ZNF276: variants seen among roughly 807,000 people sequenced by gnomAD.
ZNF276 encodes zinc finger protein 276, also known as centromere protein Z.
ZNF276 carries 59 observed loss-of-function variants against 63.9 expected under a neutral mutation model. The observed-to-expected ratio is 0.92, with a 90% CI of 0.75 to 1.15. The LOEUF is 1.15. ZNF276 is among the 50% of genes most tolerant of loss of function. The probability of loss-of-function intolerance (pLI) is 0.00; values close to 1 mark genes in which losing one functional copy is unlikely to be tolerated. For synonymous variants in ZNF276, 496 were observed against 348.4 expected (o/e 1.42, Z -4.72); for missense variants, 1,084 against 843.8 (o/e 1.28, Z -3.53).
chr16:89,723,831 AG>A, intron 4 of ZNF276, 122 bp downstream of exon 4: 1 of 1,125,534 alleles, frequency 8.9e-7, no homozygotes. Context: ...TGTGAGAAGG[AG>A]CAGAGCTTGG....
At chr16:89,737,287 C>T (rs189864445) in intron 9 of ZNF276, among the ~76,000 whole-genome samples, 8 of 152,152 alleles carry the variant, frequency 5.3e-5, no homozygotes, top group Non-Finnish European at 7.4e-5. Context: ...TTTGGGAGAC[C>T]GAGGCAGGCA....
At chr16:89,733,843 C>G (rs1044888332) in intron 8 of ZNF276, 78 bp from the exon 9 acceptor site, 1 of 1,379,884 alleles carries the variant, frequency 7.2e-7, no homozygotes, top group Admixed American at 1.7e-5. Context: ...CCAGGGGCCT[C>G]AGCTGTCACC....
chr16:89,731,305 G>A (rs2061642597), intron 6 of ZNF276, among the ~76,000 whole-genome samples: 1 of 152,266 alleles, frequency 6.6e-6, no homozygotes, highest in African/African-American at 2.4e-5. Flanking sequence ...CCAGACTGGA[G>A]TGCAGTGGCA....
At position 89,738,201 on chromosome 16, in the gene ZNF276, C is replaced by G; in HGVS notation, c.1800C>G (p.Pro600=). The part of the protein sequence containing the change: ...EAEPPPGPPS[P]SVTTEGQAVK... ...AACCACCACCTGGGCCACCGAGCCC[C>G]TCTGTGACCACAGAGGGCCAGGCGG... The change falls in exon 11 of 11, where the codon CCC becomes CCG. Residue 600 remains proline, a synonymous_variant. Coordinates refer to ENST00000443381, the MANE Select transcript of ZNF276 (RefSeq NM_001113525.2). The G allele has an allele frequency of 6.2e-7, 1 of 1,611,448 alleles. No individual in the cohort carries two copies. The highest frequency in any genetic ancestry group is 1.1e-5 in the South Asian group (1 of 90,838).
chr16:89,728,048 A>C (rs974464959), intron 5 of ZNF276, among the ~76,000 whole-genome samples: 13 of 152,194 alleles, frequency 8.5e-5, no homozygotes, highest in Non-Finnish European at 1.8e-4. Flanking sequence ...CACCTCATCC[A>C]AATGAGGACA....
chr16:89,723,232 A>G, intron 3 of ZNF276, 28 bp from the exon 4 acceptor site: 4 of 1,613,240 alleles, frequency 2.5e-6, no homozygotes, highest in Non-Finnish European at 1.7e-6. Flanking sequence ...CCAGCCGTGG[A>G]TCTGACATCT....
At chr16:89,737,465 G>T in intron 9 of ZNF276, 1 of 310,856 alleles carries the variant, frequency 3.2e-6, no homozygotes, top group African/African-American at 2.1e-5. Flanking sequence ...AGGTTGCAGT[G>T]AGCTGAGATC....
At chr16:89,720,626 G>A (rs1437818168), upstream of ZNF276, 1 of 1,226,032 alleles carries the variant, frequency 8.2e-7, no homozygotes, top group Non-Finnish European at 1.0e-6. Context: ...CCTCGCCCGG[G>A]AACCGCGGCC....
upstream of ZNF276, chr16:89,720,916 AG>A: frequency 7.9e-7 from 1 of 1,266,490 alleles, no homozygotes; most frequent in Non-Finnish European, 1.0e-6. Flanking sequence ...GGGCGACCGG[AG>A]GCCCGGAACG....
At position 89,739,819 on chromosome 16, in the gene ZNF276, C is replaced by A; in HGVS notation, c.*1573C>A. On this transcript the variant is annotated 3_prime_UTR_variant, in exon 11 of 11. Coordinates refer to ENST00000443381, the MANE Select transcript of ZNF276 (RefSeq NM_001113525.2). ...ATTGGTCCTGGGGTTGACCAGTGAG[C>A]CAGTAAATTATCTTATTGCTTTAAA... 6.8e-7 allele frequency: 1 copy of A among 1,467,922 alleles called. No homozygotes were observed. The highest frequency in any genetic ancestry group is 9.0e-7 in the Non-Finnish European group (1 of 1,113,092). 90.9% of individuals were successfully genotyped at this position (1,467,922 alleles called of 1,614,324 possible).
Position 89,732,918 on chromosome 16 carries a change from AC to A in ZNF276, c.1170-380del, listed in dbSNP as rs541187802. On this transcript the variant is annotated intron_variant, in intron 6 of 10. Coordinates refer to ENST00000443381, the MANE Select transcript of ZNF276 (RefSeq NM_001113525.2). ...TGCGCCCTCGCCCTCTGCTGTGTTCACCCCGACCCTGCTGTACCCTGCGCCC... is the reference window on the plus strand; with the variant it reads ...TGCGCCCTCGCCCTCTGCTGTGTTCACCCGACCCTGCTGTACCCTGCGCCC... 2.2e-5 allele frequency: 4 copies of A among 183,190 alleles called. 1 individual carries two copies. Among genetic ancestry groups the A allele is most frequent in the Non-Finnish European group, 4.2e-5 (4 of 95,402 alleles). 11.3% of individuals were successfully genotyped at this position (183,190 alleles called of 1,614,324 possible).
chr16:89,734,851 G>A (rs1379883928), intron 9 of ZNF276, among the ~76,000 whole-genome samples: 1 of 152,314 alleles, frequency 6.6e-6, no homozygotes, highest in African/African-American at 2.4e-5. Flanking sequence ...AATCCAACAA[G>A]GATATGTTTT....
In ZNF276 at chr16:89,733,335, C is replaced by T. The variant is rs747078037; in HGVS notation, c.1203C>T (p.Ala401=). 1.2e-6 allele frequency: 2 copies of T among 1,614,124 alleles called. No individual in the cohort carries two copies. The highest frequency in any genetic ancestry group is 1.7e-5 in the Admixed American group (1 of 60,028). ...VSGKKSESKE[A]KKSEEPRIRK... ...GTAAGAAGAGTGAAAGCAAAGAAGCCAAGAAGTCTGAAGAACCAAGAATTC... is the reference window on the plus strand; with the variant it reads ...GTAAGAAGAGTGAAAGCAAAGAAGCTAAGAAGTCTGAAGAACCAAGAATTC... The change falls in exon 7 of 11, where the codon GCC becomes GCT. Residue 401 remains alanine (A), a synonymous_variant. Transcript: ENST00000443381.
chr16:89,730,932 C>G (rs1388983638), intron 6 of ZNF276, among the ~76,000 whole-genome samples: 2 of 152,240 alleles, frequency 1.3e-5, no homozygotes, highest in Admixed American at 1.3e-4. Context: ...TGGTTCCCGC[C>G]AGAGGGGAAG....
rs76023376 is a variant in ZNF276 at position 89,733,396 on chromosome 16, A to C, written c.1264A>C (p.Lys422Gln). 8.5e-3 allele frequency: 13,689 copies of C among 1,614,024 alleles called. 126 individuals are homozygous for C. The highest frequency in any genetic ancestry group is 0.031 in the East Asian group (1,401 of 44,878). ...KPGPKPGWKK[K>Q]LRCEREELPT... Reference sequence around the variant, plus strand: ...GGGACCCAAGCCCGGATGGAAGAAGAAGCTTCGTTGTGAGAGGTGATGCCT... The same window carrying C: ...GGGACCCAAGCCCGGATGGAAGAAGCAGCTTCGTTGTGAGAGGTGATGCCT... Residue 422 changes from lysine to glutamine, a missense_variant, in exon 7 of 11, where the codon AAG becomes CAG. Lys to Gln is a moderately conservative substitution (Grantham distance 53). Transcript: ENST00000443381.
rs1338647532 is a variant in ZNF276, at chr16:89,738,612, G to A, written c.*366G>A. On this transcript the variant is annotated 3_prime_UTR_variant, in exon 11 of 11. Transcript: ENST00000443381. Reference sequence around the variant, plus strand: ...AGTGGCAGGTCCCGTCAGAAGAGATGAGGCTCCTGGGACAGGTCAGCGTCA... The same window carrying A: ...AGTGGCAGGTCCCGTCAGAAGAGATAAGGCTCCTGGGACAGGTCAGCGTCA... 2.5e-6 allele frequency: 4 copies of A among 1,613,462 alleles called. No individual in the cohort carries two copies. The East Asian group carries it at 8.9e-5, about 36-fold the overall frequency.
chr16:89,733,690 G>A (rs2061750904), intron 8 of ZNF276, 133 bp downstream of exon 8: 4 of 1,089,992 alleles, frequency 3.7e-6, no homozygotes, highest in Non-Finnish European at 4.1e-6. Context: ...GAGACCTGAA[G>A]CAGTCCTAGC....
chr16:89,721,746 C>CT lies in ZNF276; in HGVS notation c.108dup (p.Ser37Ter). ...CAGCCGGACTCGGGGCCGCCCTTCC[C>CT]TTAGCGGTGGGCCGAGGGTGGACGG... is the stretch of plus-strand genomic sequence containing the variant. On this transcript the variant is annotated frameshift_variant, in exon 1 of 11. Coordinates refer to ENST00000443381, the MANE Select transcript of ZNF276 (RefSeq NM_001113525.2). LOFTEE classifies it high-confidence loss of function. 1 of 1,322,602 alleles carries CT rather than the reference C, an allele frequency of 7.6e-7. No individual in the cohort carries two copies. Among genetic ancestry groups the CT allele is most frequent in the Non-Finnish European group, 9.6e-7 (1 of 1,038,652 alleles). The allele number at this position is 1,322,602 out of a possible 1,614,324, so 81.9% of individuals were successfully genotyped here. A position where few individuals can be genotyped will look rare whatever the true frequency, so the allele number is the denominator to read the frequency against.
intron 5 of ZNF276, among the ~76,000 whole-genome samples, 153 bp downstream of exon 5, chr16:89,727,510 G>C (rs1363461300): frequency 1.3e-5 from 2 of 152,166 alleles, no homozygotes; most frequent in African/African-American, 4.8e-5. Flanking sequence ...CCCATGCGCT[G>C]GTACCAAACT....
Sources: allele counts gnomAD v4.1 joint callset (sites outside exome capture counted in the v4.1 genomes callset), GRCh38; gene constraint gnomAD v4.1.1; transcripts MANE v1.5; gene names NCBI Gene and HGNC (gene_info 2026-07-23, HGNC 2026-07-21).